Variants in SMYD3 observed in about 807,000 individuals in gnomAD.
SMYD3 encodes SET and MYND domain containing 3.
Under a neutral mutation model 57.7 loss-of-function variants are expected in SMYD3, and 36 were observed. That is an observed-to-expected ratio of 0.62 (90% CI 0.48 to 0.82). SMYD3 has a LOEUF of 0.82. Among genes scored for constraint, SMYD3 ranks in the 40% least tolerant of loss-of-function variants. The pLI is 0.00. For missense variants in SMYD3, 515 were observed against 538.8 expected (o/e 0.96, Z 0.44); for synonymous variants, 211 against 195.0 (o/e 1.08, Z -0.68).
At position 246,084,663 on chromosome 1, in the gene SMYD3, G is replaced by A. The variant is rs145781498; in HGVS notation, c.532-154726C>T. On this transcript the variant is annotated intron_variant, in intron 5 of 11. Coordinates refer to ENST00000490107, the MANE Select transcript of SMYD3 (RefSeq NM_001167740.2). ...TGACACGCACTTACTATGTATTTAC[G>A]AGGGTCATTGTTTTACCTCTGAAAA... Among the ~76,000 whole-genome samples, 300 of 152,192 alleles carry A rather than the reference G, an allele frequency of 2.0e-3. 5 individuals carry two copies. The East Asian group carries it at 0.025, about 13-fold the overall frequency.
chr1:245,993,577 AAAAGAT>A (rs1458192939), intron 5 of SMYD3, among the ~76,000 whole-genome samples: 142 of 132,222 alleles, frequency 1.1e-3, no homozygotes, highest in East Asian at 6.5e-3. Context: ...TCAAAAAAAA[AAAAGAT>A]AGATAGATAG....
At chr1:245,783,131 A>C (rs561429839) in intron 10 of SMYD3, among the ~76,000 whole-genome samples, 24 of 152,348 alleles carry the variant, frequency 1.6e-4, no homozygotes, top group Non-Finnish European at 2.5e-4. Flanking sequence ...GAGAAGTGGC[A>C]GGAATGGTGT....
chr1:246,330,362 G>T, intron 4 of SMYD3, 118 bp downstream of exon 4: 2 of 740,024 alleles, frequency 2.7e-6, no homozygotes, highest in African/African-American at 1.8e-5. Context: ...AATAAATTTT[G>T]TTAGGTTTGC....
intron 5 of SMYD3, among the ~76,000 whole-genome samples, chr1:246,251,065 G>T (rs2063791313): frequency 6.6e-6 from 1 of 152,176 alleles, no homozygotes; most frequent in Non-Finnish European, 1.5e-5. Context: ...CAAGAATGGG[G>T]TATCCATCCC....
intron 10 of SMYD3, among the ~76,000 whole-genome samples, chr1:245,850,918 T>A (rs1202952904): frequency 6.6e-6 from 1 of 152,138 alleles, no homozygotes. Context: ...TGGCCCTGGC[T>A]TCTGGGTACC....
At chr1:246,278,880 T>C (rs899956304) in intron 5 of SMYD3, among the ~76,000 whole-genome samples, 10 of 152,182 alleles carry the variant, frequency 6.6e-5, no homozygotes, top group Non-Finnish European at 2.9e-5. Flanking sequence ...GAAAAAACAA[T>C]ACACCCAATA....
chr1:246,071,244 T>TA (rs1465954373), intron 5 of SMYD3, among the ~76,000 whole-genome samples: 11 of 151,106 alleles, frequency 7.3e-5, no homozygotes, highest in East Asian at 5.8e-4. Flanking sequence ...TGTGTGTCTG[T>TA]AAAAAAAAAT....
At chr1:245,859,289 AAT>A (rs1328855244) in intron 9 of SMYD3, among the ~76,000 whole-genome samples, 2 of 152,228 alleles carry the variant, frequency 1.3e-5, no homozygotes, top group Non-Finnish European at 2.9e-5. Flanking sequence ...AATACATTAA[AAT>A]ATGTTATTTT....
intron 5 of SMYD3, among the ~76,000 whole-genome samples, chr1:245,990,547 T>A (rs983981936): frequency 6.6e-6 from 1 of 152,012 alleles, no homozygotes; most frequent in African/African-American, 2.4e-5. Context: ...AAACTAGGAG[T>A]AGATTTGTTA....
intron 10 of SMYD3, 86 bp downstream of exon 10, chr1:245,858,410 G>A (rs1436413314): frequency 3.0e-6 from 4 of 1,339,276 alleles, no homozygotes; most frequent in Non-Finnish European, 4.0e-6. Flanking sequence ...ATGCAAAGTA[G>A]TAATCAGAAT....
chr1:246,139,125 AG>A (rs1319804634), intron 5 of SMYD3, among the ~76,000 whole-genome samples: 1 of 152,226 alleles, frequency 6.6e-6, no homozygotes, highest in African/African-American at 2.4e-5. Flanking sequence ...CAGCAGGTTC[AG>A]GGGACTGATT....
intron 5 of SMYD3, among the ~76,000 whole-genome samples, chr1:246,196,651 A>C (rs572141395): frequency 2.6e-4 from 40 of 152,312 alleles, no homozygotes; most frequent in African/African-American, 9.4e-4. Flanking sequence ...TTCTTTCCCC[A>C]ATGAAAAACA....
At chr1:245,951,189 G>A (rs967976430) in intron 5 of SMYD3, among the ~76,000 whole-genome samples, 2 of 151,948 alleles carry the variant, frequency 1.3e-5, no homozygotes, top group Non-Finnish European at 2.9e-5. Flanking sequence ...AAATACCAGC[G>A]GAGTCCACGG....
At chr1:245,901,579 G>A (rs1214147442) in intron 8 of SMYD3, among the ~76,000 whole-genome samples, 2 of 152,172 alleles carry the variant, frequency 1.3e-5, no homozygotes, top group Non-Finnish European at 2.9e-5. Flanking sequence ...GCCTTATGGA[G>A]CAAATGTTAA....
intron 5 of SMYD3, among the ~76,000 whole-genome samples, chr1:246,132,494 A>G (rs2061603352): frequency 6.6e-6 from 1 of 152,122 alleles, no homozygotes; most frequent in African/African-American, 2.4e-5. Flanking sequence ...ATATACAAAA[A>G]TTAAAGCACC....
chr1:246,238,129 T>A (rs528821955), intron 5 of SMYD3, among the ~76,000 whole-genome samples: 16 of 152,242 alleles, frequency 1.1e-4, no homozygotes, highest in Admixed American at 3.3e-4. Context: ...AGTGGCACGA[T>A]CTCGGCTCAC....
chr1:246,206,769 T>C (rs1279171967), intron 5 of SMYD3, among the ~76,000 whole-genome samples: 1 of 152,206 alleles, frequency 6.6e-6, no homozygotes, highest in African/African-American at 2.4e-5. Flanking sequence ...TTTAATGCTT[T>C]AATAAAGCTC....
rs112304793 is a variant in SMYD3, at chr1:246,030,302, G to A, written c.532-100365C>T. 9.5e-3 allele frequency among the ~76,000 whole-genome samples: 1,451 copies of A among 152,298 alleles called. 19 individuals carry two copies. Among genetic ancestry groups the A allele is most frequent in the African/African-American group, 0.033 (1,356 of 41,572 alleles). The stretch of plus-strand genomic sequence containing the variant: ...GAGCCCGAAGGACATTATGTTAAGT[G>A]AAATATGTCAAGCACAGAAAAACAG... On this transcript the variant is annotated intron_variant, in intron 5 of 11. Transcript: ENST00000490107.
At chr1:246,194,403 G>A (rs1233976885) in intron 5 of SMYD3, among the ~76,000 whole-genome samples, 1 of 152,046 alleles carries the variant, frequency 6.6e-6, no homozygotes, top group Non-Finnish European at 1.5e-5. Flanking sequence ...CGAGTAGCTG[G>A]GACTACGGGC....
Sources: gnomAD v4.1 joint callset for allele counts (sites outside exome capture counted in the v4.1 genomes callset) on GRCh38, gnomAD v4.1.1 for gene constraint, MANE v1.5 for transcripts, NCBI Gene and HGNC (gene_info 2026-07-23, HGNC 2026-07-21) for gene names.